The following CHRDL1 variants were observed in gnomAD, a reference collection of about 807,000 sequenced individuals.
CHRDL1 encodes the protein chordin-like protein 1.
A neutral mutation model predicts 40.9 loss-of-function variants in CHRDL1; 19 were observed. The ratio of observed to expected loss-of-function variants is 0.46; its 90% confidence interval spans 0.32 to 0.68. The LOEUF (loss-of-function observed/expected upper bound fraction) is 0.68. Among genes scored for constraint, CHRDL1 ranks in the 30% least tolerant of loss-of-function variants. The pLI, the probability that CHRDL1 is intolerant of heterozygous loss-of-function variation, is 0.03. For missense variants in CHRDL1, 329 were observed against 352.1 expected (o/e 0.93, Z 0.53); for synonymous variants, 136 against 123.4 (o/e 1.10, Z -0.68).
chrX:110,696,648 C>T (rs1005104955), intron 7 of CHRDL1, among the ~76,000 whole-genome samples: 1 of 111,658 alleles, frequency 9.0e-6, no homozygotes, highest in African/African-American at 3.3e-5. Context: ...GTTCATTCAG[C>T]TACAATGTTC....
In CHRDL1 at chrX:110,792,138, G is replaced by A. The variant is rs201535850; in HGVS notation, c.44C>T (p.Ser15Leu). The A allele has an allele frequency of 1.7e-6, 2 of 1,201,249 alleles. No homozygotes were observed. The highest frequency in any genetic ancestry group is 2.3e-6 in the Non-Finnish European group (2 of 888,756). ...TTCTAGCAAAAGAAAGAACAACAAC[G>A]AAAAGATGTATTTCATGCCTCCCAT... ...WKMGGMKYIF[S>L]LLFFLLLEGG... The change falls in exon 2 of 12, where the codon TCG (serine) becomes TTG (leucine). Residue 15 changes from serine to leucine, a missense_variant. Physicochemically the swap from Ser to Leu is moderately radical, Grantham distance 145. Coordinates refer to ENST00000372042, the MANE Select transcript of CHRDL1 (RefSeq NM_001143981.2).
At chrX:110,692,557 G>A (rs2148429937) in intron 8 of CHRDL1, among the ~76,000 whole-genome samples, 1 of 112,261 alleles carries the variant, frequency 8.9e-6, no homozygotes, top group South Asian at 3.7e-4. Context: ...CTTTTAAAAG[G>A]CTTTGAAATA....
chrX:110,746,027 TA>T (rs1421672990), intron 4 of CHRDL1, among the ~76,000 whole-genome samples: 1 of 112,001 alleles, frequency 8.9e-6, no homozygotes, highest in Non-Finnish European at 1.9e-5. Context: ...TGCTGCCCAC[TA>T]AATGCCAATG....
chrX:110,747,385 C>T (rs1017260072), intron 4 of CHRDL1, among the ~76,000 whole-genome samples: 1 of 85,186 alleles, frequency 1.2e-5, no homozygotes, highest in African/African-American at 4.4e-5. Context: ...AAACCAAAAA[C>T]CAAAAAAAAA....
At chrX:110,709,333 C>T (rs1048878305) in intron 6 of CHRDL1, among the ~76,000 whole-genome samples, 81 of 112,157 alleles carry the variant, frequency 7.2e-4, no homozygotes, top group Non-Finnish European at 3.8e-4. Context: ...AAGGGACTCC[C>T]ACAAGTGTGC....
intron 9 of CHRDL1, among the ~76,000 whole-genome samples, chrX:110,682,354 A>G (rs1156305748): frequency 8.9e-6 from 1 of 112,186 alleles, no homozygotes; most frequent in Non-Finnish European, 1.9e-5. Flanking sequence ...TCAGCGATGG[A>G]TCATTTAATG....
At chrX:110,679,028 G>A (rs1280369866) in intron 11 of CHRDL1, among the ~76,000 whole-genome samples, 2 of 111,680 alleles carry the variant, frequency 1.8e-5, no homozygotes, top group African/African-American at 6.5e-5. Context: ...AATCTTATGA[G>A]CTTTCTCCAA....
At chrX:110,716,324 T>C (rs763074893) in intron 6 of CHRDL1, among the ~76,000 whole-genome samples, 3 of 110,118 alleles carry the variant, frequency 2.7e-5, no homozygotes, top group Non-Finnish European at 3.8e-5. Context: ...TGACTAAATT[T>C]CTAGTAATCA....
chrX:110,703,659 G>A (rs780021667), intron 6 of CHRDL1, among the ~76,000 whole-genome samples: 7 of 112,157 alleles, frequency 6.2e-5, no homozygotes, highest in African/African-American at 2.3e-4. Flanking sequence ...CACAAAAAAA[G>A]CAAATACAAA....
At chrX:110,741,163 G>T (rs1316167670) in intron 4 of CHRDL1, among the ~76,000 whole-genome samples, 6 of 111,742 alleles carry the variant, frequency 5.4e-5, no homozygotes, top group Non-Finnish European at 1.1e-4. Flanking sequence ...ATCAAAAGTT[G>T]GTACCAGCAG....
At chrX:110,698,306 T>C (rs2070443094) in intron 7 of CHRDL1, among the ~76,000 whole-genome samples, 1 of 110,979 alleles carries the variant, frequency 9.0e-6, no homozygotes, top group African/African-American at 3.3e-5. Flanking sequence ...TTCCTGTGCA[T>C]TAAAATTAAT....
intron 6 of CHRDL1, among the ~76,000 whole-genome samples, chrX:110,714,088 A>G (rs1051781973): frequency 1.8e-5 from 2 of 110,881 alleles, no homozygotes; most frequent in Non-Finnish European, 3.8e-5. Context: ...GATACCTATG[A>G]AAGTCTGTTA....
chrX:110,721,292 CT>C, intron 5 of CHRDL1, 92 bp downstream of exon 5: 1 of 867,321 alleles, frequency 1.2e-6, no homozygotes. Context: ...ATTCAAACAC[CT>C]TACAGTGCAG....
intron 4 of CHRDL1, among the ~76,000 whole-genome samples, chrX:110,725,513 A>G (rs1314582446): frequency 1.9e-5 from 2 of 106,932 alleles, no homozygotes; most frequent in African/African-American, 3.4e-5. Flanking sequence ...CTGTGGTTCC[A>G]CTTCACTTCT....
intron 9 of CHRDL1, among the ~76,000 whole-genome samples, chrX:110,686,282 T>C (rs1049488982): frequency 3.6e-5 from 4 of 111,739 alleles, no homozygotes; most frequent in African/African-American, 9.8e-5. Flanking sequence ...CTCACAGCTT[T>C]TTGATTATTT....
In CHRDL1 at chrX:110,673,946, T is replaced by C. The variant is rs974546114; in HGVS notation, c.*2285A>G. 1.8e-5 allele frequency: 2 copies of C among 112,429 alleles called. No homozygotes were observed. Among genetic ancestry groups the C allele is most frequent in the Non-Finnish European group, 3.8e-5 (2 of 53,317 alleles). 9.3% of individuals were successfully genotyped at this position (112,429 alleles called of 1,213,427 possible). The stretch of plus-strand genomic sequence containing the variant: ...GTACCATAATTAGGTACATGTCCTG[T>C]GAGAACAGTGAAAGGGTAATACTGT... On this transcript the variant is annotated 3_prime_UTR_variant, in exon 12 of 12. Transcript: ENST00000372042.
intron 6 of CHRDL1, among the ~76,000 whole-genome samples, chrX:110,710,684 T>C (rs961513989): frequency 8.9e-6 from 1 of 111,741 alleles, no homozygotes; most frequent in Non-Finnish European, 1.9e-5. Context: ...TACGTGGGGA[T>C]GAATTTTGAG....
chrX:110,699,555 C>T (rs2070468860), intron 7 of CHRDL1, among the ~76,000 whole-genome samples: 1 of 112,285 alleles, frequency 8.9e-6, no homozygotes, highest in Admixed American at 9.5e-5. Flanking sequence ...TCAAAATCTA[C>T]CTTTCCTCCT....
intron 4 of CHRDL1, among the ~76,000 whole-genome samples, chrX:110,757,368 T>C (rs1044582502): frequency 1.8e-5 from 2 of 109,557 alleles, no homozygotes; most frequent in Non-Finnish European, 3.8e-5. Context: ...AAGAAAGTTT[T>C]AAAAGCTAGA....
Sources: gnomAD v4.1 joint callset for allele counts (sites outside exome capture counted in the v4.1 genomes callset) on GRCh38, gnomAD v4.1.1 for gene constraint, MANE v1.5 for transcripts, NCBI Gene and HGNC (gene_info 2026-07-23, HGNC 2026-07-21) for gene names.